Variants in PDE10A observed in about 807,000 individuals in gnomAD.
PDE10A encodes cAMP and cAMP-inhibited cGMP 3',5'-cyclic phosphodiesterase 10A.
A neutral mutation model predicts 97.7 loss-of-function variants in PDE10A; 39 were observed. The observed-to-expected ratio is 0.40, with a 90% CI of 0.31 to 0.52. PDE10A has a LOEUF of 0.52. PDE10A is among the 20% of genes least tolerant of loss of function. PDE10A has a pLI of 0.56. For missense variants in PDE10A, 731 were observed against 1,047.8 expected (o/e 0.70, Z 4.17); for synonymous variants, 371 against 376.8 (o/e 0.98, Z 0.18).
chr6:165,593,126 A>G (rs1786379264), intron 1 of PDE10A, among the ~76,000 whole-genome samples: 1 of 152,244 alleles, frequency 6.6e-6, no homozygotes, highest in African/African-American at 2.4e-5. Flanking sequence ...GCCATAAAAA[A>G]GGGTGAGTTC....
intron 1 of PDE10A, among the ~76,000 whole-genome samples, chr6:165,943,218 A>AAGGAAG (rs1562809665): frequency 2.4e-4 from 18 of 76,462 alleles, no homozygotes; most frequent in South Asian, 8.7e-4. Flanking sequence ...AAAGAAAGAA[A>AAGGAAG]GAAAGAAAGA....
intron 1 of PDE10A, among the ~76,000 whole-genome samples, chr6:165,941,575 C>T (rs927482272): frequency 2.6e-5 from 4 of 152,152 alleles, no homozygotes; most frequent in African/African-American, 9.7e-5. Context: ...TTGGTGCTGT[C>T]TTCCTGATAG....
Position 165,661,924 on chromosome 6 carries a change from G to C in PDE10A, c.865+23C>G. 1.1e-6 allele frequency: 1 copy of C among 873,554 alleles called. No homozygotes were observed. The highest frequency in any genetic ancestry group is 1.7e-5 in the African/African-American group (1 of 58,766). 54.1% of individuals were successfully genotyped at this position (873,554 alleles called of 1,614,324 possible). On this transcript the variant is annotated intron_variant, in intron 1 of 21. Coordinates refer to ENST00000539869, the MANE Select transcript of PDE10A (RefSeq NM_001385079.1). The surrounding 1 kb of genome is among the most constrained non-coding windows in gnomAD (Gnocchi z 4.8). ...GGATGAGGAGCCGCCCCACCTCCGG[G>C]GAACGGGGAGCAGGCCACTTACTGG...
chr6:165,648,105 C>T (rs1201336267), intron 1 of PDE10A, among the ~76,000 whole-genome samples: 1 of 152,184 alleles, frequency 6.6e-6, no homozygotes, highest in Non-Finnish European at 1.5e-5. Context: ...CTCCACCTCT[C>T]GGGTTCACGC....
intron 1 of PDE10A, among the ~76,000 whole-genome samples, chr6:165,846,833 G>A (rs956715243): frequency 1.3e-5 from 2 of 152,172 alleles, no homozygotes; most frequent in Non-Finnish European, 2.9e-5. Context: ...AGAAATCCCG[G>A]ACGCCTGAAA....
At chr6:165,438,394 G>A (rs1021669476) in intron 5 of PDE10A, among the ~76,000 whole-genome samples, 4 of 152,008 alleles carry the variant, frequency 2.6e-5, no homozygotes, top group Admixed American at 2.6e-4. Context: ...CTCCATGTTG[G>A]TCAGGCTGGT....
intron 1 of PDE10A, among the ~76,000 whole-genome samples, chr6:165,970,724 T>G (rs1399610801): frequency 6.6e-6 from 1 of 152,218 alleles, no homozygotes; most frequent in East Asian, 1.9e-4. Flanking sequence ...CTTTTTGTCT[T>G]TTGAATTTTT....
rs996305963 is a variant in PDE10A, at chr6:165,987,878, C to A, written c.-964G>T. The A allele has an allele frequency of 2.9e-5, 11 of 376,642 alleles. No individual in the cohort carries two copies. The Admixed American group carries it at 3.2e-4, about 11-fold the overall frequency. The allele number at this position is 376,642 out of a possible 1,614,324, so 23.3% of individuals were successfully genotyped here. A position where few individuals can be genotyped will look rare whatever the true frequency, so the allele number is the denominator to read the frequency against. On this transcript the variant is annotated 5_prime_UTR_variant, in exon 1 of 20. Coordinates refer to the PDE10A transcript ENST00000366882. The stretch of plus-strand genomic sequence containing the variant: ...GGAAAGCTGCACCCAGCGCCTTGGG[C>A]GCCCATGAAGACCAGTCCATCTCAG...
chr6:165,868,399 T>A (rs1476692238), intron 1 of PDE10A, among the ~76,000 whole-genome samples: 2 of 152,104 alleles, frequency 1.3e-5, no homozygotes, highest in African/African-American at 4.8e-5. Context: ...GATATCTAAT[T>A]CGAAAACCTA....
intron 18 of PDE10A, among the ~76,000 whole-genome samples, chr6:165,354,503 C>A (rs556838611): frequency 6.6e-6 from 1 of 152,148 alleles, no homozygotes; most frequent in Non-Finnish European, 1.5e-5. Context: ...ATCTTCACAT[C>A]GGCACAGATG....
chr6:165,358,929 T>G (rs1311851687), intron 18 of PDE10A, among the ~76,000 whole-genome samples: 1 of 151,290 alleles, frequency 6.6e-6, no homozygotes, highest in Non-Finnish European at 1.5e-5. Flanking sequence ...CTGGGGATTA[T>G]AATATGCATA....
intron 1 of PDE10A, among the ~76,000 whole-genome samples, chr6:165,811,877 G>A (rs1004634528): frequency 1.3e-5 from 2 of 151,330 alleles, no homozygotes; most frequent in Non-Finnish European, 1.5e-5. Context: ...TTTTTGAGAC[G>A]GAGTCTTGCC....
chr6:165,477,261 G>C (rs771331988), intron 3 of PDE10A, among the ~76,000 whole-genome samples: 24 of 152,126 alleles, frequency 1.6e-4, no homozygotes, highest in Non-Finnish European at 3.1e-4. Flanking sequence ...CCGGTTCTCA[G>C]CATGGTTCAC....
At chr6:165,706,172 T>A (rs1037522951) in intron 1 of PDE10A, among the ~76,000 whole-genome samples, 3 of 152,182 alleles carry the variant, frequency 2.0e-5, no homozygotes, top group African/African-American at 7.2e-5. Flanking sequence ...AAAGATGATC[T>A]GAGAGGCAAA....
intron 1 of PDE10A, among the ~76,000 whole-genome samples, chr6:165,969,021 A>G (rs543445665): frequency 6.6e-6 from 1 of 152,324 alleles, no homozygotes; most frequent in South Asian, 2.1e-4. Context: ...GTGAAAAACA[A>G]AAGAAGCATT....
chr6:165,964,809 G>A (rs2128499210), intron 1 of PDE10A, among the ~76,000 whole-genome samples: 1 of 152,320 alleles, frequency 6.6e-6, no homozygotes. Context: ...ATAATGATGA[G>A]AAAGGTGCAT....
intron 18 of PDE10A, among the ~76,000 whole-genome samples, chr6:165,361,616 A>G (rs1783430057): frequency 6.6e-6 from 1 of 152,176 alleles, no homozygotes; most frequent in Non-Finnish European, 1.5e-5. Flanking sequence ...TAGGAAGAGG[A>G]AAGTGATACA....
At chr6:165,466,533 C>T (rs1176746295) in intron 3 of PDE10A, among the ~76,000 whole-genome samples, 2 of 152,188 alleles carry the variant, frequency 1.3e-5, no homozygotes, top group African/African-American at 4.8e-5. Flanking sequence ...CGTGGCAACC[C>T]TGCATCAAAA....
At chr6:165,559,112 T>A (rs1283941261) in intron 1 of PDE10A, among the ~76,000 whole-genome samples, 1 of 152,232 alleles carries the variant, frequency 6.6e-6, no homozygotes, top group African/African-American at 2.4e-5. Context: ...CCAAAGTTTC[T>A]AGCTTAGGTA....
Sources: gnomAD v4.1 joint callset for allele counts (sites outside exome capture counted in the v4.1 genomes callset) on GRCh38, gnomAD v4.1.1 for gene constraint, Gnocchi (gnomAD v3.1) non-coding constraint, MANE v1.5 for transcripts, NCBI Gene and HGNC (gene_info 2026-07-23, HGNC 2026-07-21) for gene names.